Variants in PHLDB1 observed in about 807,000 individuals in gnomAD.
PHLDB1 encodes the protein pleckstrin homology-like domain family B member 1.
In PHLDB1, 65 loss-of-function variants were observed where a neutral mutation model predicts 139.3. The observed-to-expected ratio is 0.47, with a 90% CI of 0.38 to 0.57. PHLDB1 has a LOEUF of 0.57. Among genes scored for constraint, PHLDB1 ranks in the 20% least tolerant of loss-of-function variants. The pLI is 0.00. For synonymous variants in PHLDB1, 679 were observed against 734.5 expected (o/e 0.92, Z 1.22); for missense variants, 1,624 against 1,839.7 (o/e 0.88, Z 2.14).
Position 118,624,970 on chromosome 11 carries a change from G to C in PHLDB1, c.392G>C (p.Arg131Pro). The C allele has an allele frequency of 1.2e-6, 2 of 1,613,994 alleles. No homozygotes were observed. The highest frequency in any genetic ancestry group is 1.7e-6 in the Non-Finnish European group (2 of 1,179,946). The change falls in exon 5 of 23, where the codon CGC (arginine) becomes CCC (proline). Residue 131 changes from arginine (R) to proline (P), a missense_variant. Arg to Pro is a moderately radical substitution (Grantham distance 103). Coordinates refer to ENST00000600882, the MANE Select transcript of PHLDB1 (RefSeq NM_001144758.3). ...MLCLGQSTFLRFNHPAEAKWM... is the reference protein window; with the variant it reads ...MLCLGQSTFLPFNHPAEAKWM... The stretch of plus-strand genomic sequence containing the variant: ...TGCCTGGGTCAGTCCACCTTCCTTC[G>C]CTTTAACCACCCGGCTGAAGCCAAG...
intron 18 of PHLDB1, among the ~76,000 whole-genome samples, chr11:118,649,425 A>G (rs1591763512): frequency 6.6e-6 from 1 of 152,044 alleles, no homozygotes. Context: ...GGGCTCAGGC[A>G]TTGCTGCAGT....
At position 118,611,832 on chromosome 11, in the gene PHLDB1, A is replaced by ATAATAATAATAATAAT. The variant is rs60176755; in HGVS notation, c.-21-1984_-21-1983insTAATAATAATAATAAT. On this transcript the variant is annotated intron_variant, in intron 1 of 22. Coordinates refer to ENST00000600882, the MANE Select transcript of PHLDB1 (RefSeq NM_001144758.3). The surrounding 1 kb of genome is among the most constrained non-coding windows in gnomAD (Gnocchi z 4.7). Reference sequence around the variant, plus strand: ...AAACTCCGTCTCAAAAAAAAAAAAAAAATAATAATAATAATAATAAATGGC... The same window carrying ATAATAATAATAATAAT: ...AAACTCCGTCTCAAAAAAAAAAAAAATAATAATAATAATAATAATAATAATAATAATAATAAATGGC... 6.8e-6 allele frequency among the ~76,000 whole-genome samples: 1 copy of ATAATAATAATAATAAT among 147,066 alleles called. No homozygotes were observed. The highest frequency in any genetic ancestry group is 2.0e-4 in the East Asian group (1 of 5,092).
chr11:118,657,962 C>G lies in PHLDB1; in HGVS notation c.*1139C>G. The stretch of plus-strand genomic sequence containing the variant: ...AGCATTGAGCCCTTGGTTGCCTGGG[C>G]CCAGGCTGGGGGTTTTCAGTATTTG... On this transcript the variant is annotated 3_prime_UTR_variant, in exon 23 of 23. Coordinates refer to ENST00000600882, the MANE Select transcript of PHLDB1 (RefSeq NM_001144758.3). 2 of 282,066 alleles carry G rather than the reference C, an allele frequency of 7.1e-6. No homozygotes were observed. Among genetic ancestry groups the G allele is most frequent in the South Asian group, 1.5e-4 (2 of 13,432 alleles). 17.5% of individuals were successfully genotyped at this position (282,066 alleles called of 1,614,324 possible).
rs1949156770 is a variant in PHLDB1 at position 118,657,209 on chromosome 11, AT to A, written c.*387del. Reference sequence around the variant, plus strand: ...GCAGAGCCACATCCAGAGTGGGGTAATAGCTCAGGCGGCCCGCTTCCCATTT... The same window carrying A: ...GCAGAGCCACATCCAGAGTGGGGTAAAGCTCAGGCGGCCCGCTTCCCATTT... On this transcript the variant is annotated 3_prime_UTR_variant, in exon 23 of 23. Coordinates refer to ENST00000600882, the MANE Select transcript of PHLDB1 (RefSeq NM_001144758.3). The A allele has an allele frequency of 6.0e-6, 1 of 166,012 alleles. No homozygotes were observed. The highest frequency in any genetic ancestry group is 2.4e-5 in the African/African-American group (1 of 41,830). The allele number at this position is 166,012 out of a possible 1,614,324, so 10.3% of individuals were successfully genotyped here.
intron 5 of PHLDB1, among the ~76,000 whole-genome samples, chr11:118,625,700 A>G (rs904965719): frequency 3.9e-5 from 6 of 152,184 alleles, no homozygotes; most frequent in Non-Finnish European, 1.5e-5. Flanking sequence ...GTGCTGGGAC[A>G]GATGGACATG....
chr11:118,649,676 A>C (rs1948078961), intron 18 of PHLDB1, among the ~76,000 whole-genome samples: 1 of 152,126 alleles, frequency 6.6e-6, no homozygotes, highest in Non-Finnish European at 1.5e-5. Context: ...TGAGGCCCAG[A>C]GAAGGGATGT....
chr11:118,609,941 G>A (rs1405178452), intron 1 of PHLDB1, among the ~76,000 whole-genome samples: 1 of 151,136 alleles, frequency 6.6e-6, no homozygotes, highest in African/African-American at 2.4e-5. Flanking sequence ...CCCTCTCCTC[G>A]GGCCGCCCAT....
Position 118,654,709 on chromosome 11 carries a change from T to TTG in PHLDB1, c.3875-895_3875-894insGT, listed in dbSNP as rs1948784485. 1.7e-4 allele frequency: 17 copies of TTG among 100,236 alleles called. No individual in the cohort carries two copies. In the South Asian group the frequency reaches 6.9e-3, roughly 41 times the overall value. The allele number at this position is 100,236 out of a possible 1,614,324, so 6.2% of individuals were successfully genotyped here. On this transcript the variant is annotated intron_variant, in intron 20 of 22. Coordinates refer to ENST00000600882, the MANE Select transcript of PHLDB1 (RefSeq NM_001144758.3). ...GTATCTGTATCAGATATTTCTTTCT[T>TTG]TCTCTTTTTTTTTTTTTTTTTTTTT...
Position 118,639,090 on chromosome 11 carries a change from G to A in PHLDB1, c.2647-72G>A, listed in dbSNP as rs1252795996. The A allele has an allele frequency of 1.2e-5, 19 of 1,538,892 alleles. No homozygotes were observed. The South Asian group carries it at 1.7e-4, about 14-fold the overall frequency. On this transcript the variant is annotated intron_variant, in intron 11 of 22. Transcript: ENST00000600882. ...GACTGGGGTGTAAATGTGCTGGGGTGGAGCACAGGGCCCCCCTCACACAGT... is the reference window on the plus strand; with the variant it reads ...GACTGGGGTGTAAATGTGCTGGGGTAGAGCACAGGGCCCCCCTCACACAGT...
chr11:118,627,084 G>A (rs1591560995), intron 5 of PHLDB1: 1 of 580,212 alleles, frequency 1.7e-6, no homozygotes, highest in Admixed American at 3.3e-5. Context: ...GGAAGGCCCT[G>A]CCGATTCCCT....
chr11:118,639,469 A>T, intron 12 of PHLDB1: 11 of 544,888 alleles, frequency 2.0e-5, no homozygotes, highest in Non-Finnish European at 2.0e-5. Context: ...AGGAGCCTAC[A>T]GATTTCACTG....
chr11:118,641,717 T>G (rs1946548340), intron 12 of PHLDB1: 1 of 1,289,814 alleles, frequency 7.8e-7, no homozygotes, highest in Non-Finnish European at 1.0e-6. Flanking sequence ...CGGGACCTGG[T>G]TCCCACCACC....
At chr11:118,656,578 G>A in intron 22 of PHLDB1, 105 bp from the exon 23 acceptor site, 2 of 1,124,078 alleles carry the variant, frequency 1.8e-6, no homozygotes, top group Non-Finnish European at 1.3e-6. Context: ...TAAGCTCCAG[G>A]GCTTTCTAGG....
intron 9 of PHLDB1, chr11:118,634,798 C>T (rs1368587324): frequency 1.6e-5 from 4 of 254,804 alleles, no homozygotes; most frequent in Admixed American, 1.0e-4. Flanking sequence ...TTGCCGACCC[C>T]CATTCTGTCC....
rs1487219631 is a variant in PHLDB1 at position 118,610,510 on chromosome 11, G to C, written c.-22+2811G>C. 2.0e-6 allele frequency: 2 copies of C among 978,582 alleles called. No homozygotes were observed. Among genetic ancestry groups the C allele is most frequent in the Non-Finnish European group, 2.4e-6 (2 of 823,782 alleles). 60.6% of individuals were successfully genotyped at this position (978,582 alleles called of 1,614,324 possible). ...CACCGCTTGGGCCGAGGCCGAGGCC[G>C]ACCCCCAGGGACACAGGTGAGGCCG... is the stretch of plus-strand genomic sequence containing the variant. On this transcript the variant is annotated intron_variant, in intron 1 of 22. Transcript: ENST00000600882. This position sits in a 1 kb window ranked among gnomAD's most constrained non-coding sequence, Gnocchi z 8.7.
chr11:118,646,716 T>C (rs1555129269), intron 17 of PHLDB1: 1 of 152,120 alleles, frequency 6.6e-6, no homozygotes, highest in African/African-American at 2.4e-5. Context: ...GGAGGATAAA[T>C]AAAGGATCTG....
At chr11:118,614,786 C>A in intron 3 of PHLDB1, 104 bp downstream of exon 3, 1 of 1,197,118 alleles carries the variant, frequency 8.4e-7, no homozygotes, top group Non-Finnish European at 1.2e-6. Flanking sequence ...CTACTGTCTG[C>A]TGGTGCTCGC....
At position 118,616,065 on chromosome 11, in the gene PHLDB1, C is replaced by G; in HGVS notation, c.209C>G (p.Ala70Gly). 6.2e-7 allele frequency: 1 copy of G among 1,613,676 alleles called. No homozygotes were observed. Among genetic ancestry groups the G allele is most frequent in the Non-Finnish European group, 8.5e-7 (1 of 1,179,714 alleles). Residue 70 changes from alanine to glycine, a missense_variant, in exon 4 of 23, where the codon GCC (alanine) becomes GGC (glycine). By Grantham distance (60) the Ala-to-Gly change is moderately conservative. Coordinates refer to ENST00000600882, the MANE Select transcript of PHLDB1 (RefSeq NM_001144758.3). ...GGGAGGACGGTGATTGGCTCTGCAG[C>G]CAGAGACATCTCACTACAGGGCCCA... is the stretch of plus-strand genomic sequence containing the variant. Reference protein sequence around the residue: ...EEGRTVIGSAARDISLQGPGL... With the variant: ...EEGRTVIGSAGRDISLQGPGL...
intron 1 of PHLDB1, among the ~76,000 whole-genome samples, chr11:118,609,118 GTCACACACACAGCCCAGC>G (rs546537054): frequency 0.012 from 1,477 of 128,020 alleles, 15 homozygotes; most frequent in Non-Finnish European, 0.015. Flanking sequence ...CAAGCAGCCC[GTCACACACACAGCCCAGC>G]TCACACACAC....
Sources: allele counts gnomAD v4.1 joint callset (sites outside exome capture counted in the v4.1 genomes callset), GRCh38; gene constraint gnomAD v4.1.1; non-coding constraint Gnocchi (gnomAD v3.1); transcripts MANE v1.5; gene names NCBI Gene and HGNC (gene_info 2026-07-23, HGNC 2026-07-21).